Variants in RAPGEF6 observed in about 807,000 individuals in gnomAD.
RAPGEF6 encodes the protein PDZ domain containing guanine nucleotide exchange factor (GEF) 2.
Under a neutral mutation model 171.4 loss-of-function variants are expected in RAPGEF6, and 56 were observed. That is an observed-to-expected ratio of 0.33 (90% CI 0.26 to 0.41). RAPGEF6 has a LOEUF of 0.41. Among genes scored for constraint, RAPGEF6 ranks in the 10% least tolerant of loss-of-function variants. The pLI, the probability that RAPGEF6 is intolerant of heterozygous loss-of-function variation, is 1.00. For missense variants in RAPGEF6, 1,674 were observed against 1,921.4 expected (o/e 0.87, Z 2.41); for synonymous variants, 692 against 650.1 (o/e 1.06, Z -0.98).
intron 4 of RAPGEF6, among the ~76,000 whole-genome samples, chr5:131,566,137 A>C (rs569577837): frequency 6.6e-6 from 1 of 151,166 alleles, no homozygotes; most frequent in African/African-American, 2.4e-5. Flanking sequence ...ACAGAATGAG[A>C]CTCTGTCTCA....
intron 15 of RAPGEF6, among the ~76,000 whole-genome samples, chr5:131,486,788 G>A (rs1755922879): frequency 1.4e-5 from 2 of 145,302 alleles, no homozygotes; most frequent in South Asian, 4.3e-4. Flanking sequence ...GGAGTGCAGT[G>A]GCGCAATCTC....
intron 23 of RAPGEF6, chr5:131,440,234 G>T: frequency 2.2e-6 from 1 of 456,242 alleles, no homozygotes; most frequent in Non-Finnish European, 4.4e-6. Flanking sequence ...TCACACTACA[G>T]GAGAGAAGTA....
chr5:131,487,124 G>A (rs1561503312), intron 15 of RAPGEF6, among the ~76,000 whole-genome samples: 1 of 151,584 alleles, frequency 6.6e-6, no homozygotes, highest in Non-Finnish European at 1.5e-5. Flanking sequence ...TCTTAAAGAT[G>A]GTGTGTCTGG....
Position 131,609,640 on chromosome 5 carries a change from T to C in RAPGEF6, c.70-4947A>G, listed in dbSNP as rs544127831. On this transcript the variant is annotated intron_variant, in intron 1 of 27. Coordinates refer to ENST00000509018, the MANE Select transcript of RAPGEF6 (RefSeq NM_016340.6). ...CTGTCTAGCTACTGCTACTTCTGAA[T>C]GTCCAACCTGTCAGCAACAGAGACC... Among the ~76,000 whole-genome samples, 3 of 152,342 alleles carry C rather than the reference T, an allele frequency of 2.0e-5. No homozygotes were observed. In the South Asian group the frequency reaches 6.2e-4, roughly 32 times the overall value.
At position 131,534,895 on chromosome 5, in the gene RAPGEF6, G is replaced by A. The variant is rs180715544; in HGVS notation, c.495+13152C>T. On this transcript the variant is annotated intron_variant, in intron 6 of 27. Coordinates refer to ENST00000509018, the MANE Select transcript of RAPGEF6 (RefSeq NM_016340.6). ...AGTACCAACAGAATATATTATAGCC[G>A]AATCAAAAAGCAAAATTTTAATGCA... Among the ~76,000 whole-genome samples the A allele has an allele frequency of 4.6e-5, 7 of 151,980 alleles. No individual in the cohort carries two copies. In the East Asian group the frequency reaches 5.8e-4, roughly 13 times the overall value.
intron 18 of RAPGEF6, chr5:131,463,621 A>C: frequency 1.4e-6 from 1 of 706,496 alleles, no homozygotes; most frequent in Non-Finnish European, 1.7e-6. Context: ...AATGTACTAC[A>C]GAAATAATCT....
intron 17 of RAPGEF6, among the ~76,000 whole-genome samples, chr5:131,465,332 CTTTT>C (rs1323413282): frequency 6.6e-6 from 1 of 151,842 alleles, no homozygotes; most frequent in East Asian, 1.9e-4. Context: ...TATCTTATTT[CTTTT>C]TGTCATTATA....
chr5:131,603,948 A>G (rs901419216), intron 2 of RAPGEF6, among the ~76,000 whole-genome samples: 3 of 152,120 alleles, frequency 2.0e-5, no homozygotes, highest in Non-Finnish European at 4.4e-5. Context: ...CACATGTTTA[A>G]TTAAAATATT....
At chr5:131,469,671 T>C (rs1754611499) in intron 17 of RAPGEF6, 1 of 612,308 alleles carries the variant, frequency 1.6e-6, no homozygotes, top group Non-Finnish European at 2.6e-6. Flanking sequence ...TAATACTGGC[T>C]ACCTTCTAAG....
At chr5:131,580,515 C>T (rs1040974001) in intron 4 of RAPGEF6, among the ~76,000 whole-genome samples, 8 of 152,184 alleles carry the variant, frequency 5.3e-5, no homozygotes, top group African/African-American at 1.9e-4. Context: ...GCTCCTCAAG[C>T]GTGGCCAGAG....
chr5:131,619,363 A>G (rs1183057668), intron 1 of RAPGEF6, among the ~76,000 whole-genome samples: 1 of 152,112 alleles, frequency 6.6e-6, no homozygotes, highest in Admixed American at 6.5e-5. Context: ...AATAATACCT[A>G]ATGTAGATGA....
At chr5:131,627,064 A>C (rs1299250350) in intron 1 of RAPGEF6, among the ~76,000 whole-genome samples, 1 of 152,210 alleles carries the variant, frequency 6.6e-6, no homozygotes, top group Non-Finnish European at 1.5e-5. Context: ...TTGTAAGAAA[A>C]GGGCAAATAA....
rs183559549 is a variant in RAPGEF6, at chr5:131,620,500, C to T, written c.69+14462G>A. On this transcript the variant is annotated intron_variant, in intron 1 of 27. Transcript: ENST00000509018. ...GTCAATTCTACTTTCGAAATATCTC[C>T]GTTTACTATTGCAAATGAGGCAATT... Among the ~76,000 whole-genome samples the T allele has an allele frequency of 2.9e-3, 445 of 152,340 alleles. 2 individuals carry two copies. Among genetic ancestry groups the T allele is most frequent in the Admixed American group, 4.9e-3 (75 of 15,300 alleles).
chr5:131,619,162 A>G (rs1274661962), intron 1 of RAPGEF6, among the ~76,000 whole-genome samples: 2 of 152,112 alleles, frequency 1.3e-5, no homozygotes, highest in African/African-American at 2.4e-5. Flanking sequence ...TGAGATGGCC[A>G]GGTATGGTGG....
At chr5:131,493,210 G>A (rs866124750) in intron 13 of RAPGEF6, among the ~76,000 whole-genome samples, 9 of 151,902 alleles carry the variant, frequency 5.9e-5, no homozygotes, top group Admixed American at 1.3e-4. Flanking sequence ...GACTACAGGC[G>A]CCCGCCACCA....
chr5:131,435,347 C>T (rs1324432120), intron 24 of RAPGEF6, among the ~76,000 whole-genome samples: 1 of 151,812 alleles, frequency 6.6e-6, no homozygotes, highest in Admixed American at 6.6e-5. Flanking sequence ...TTTAAGAGGA[C>T]CAAGAAAGTG....
intron 5 of RAPGEF6, among the ~76,000 whole-genome samples, chr5:131,558,917 AT>A (rs1250018012): frequency 6.6e-6 from 1 of 152,176 alleles, no homozygotes; most frequent in African/African-American, 2.4e-5. Context: ...TCTGTTGTTG[AT>A]AAGTGTAGTG....
At chr5:131,573,034 C>T (rs1313279462) in intron 4 of RAPGEF6, among the ~76,000 whole-genome samples, 2 of 152,008 alleles carry the variant, frequency 1.3e-5, no homozygotes, top group Non-Finnish European at 2.9e-5. Flanking sequence ...TCATCCCAGA[C>T]TTTCCTTCTT....
At chr5:131,582,709 C>A (rs555251175) in intron 4 of RAPGEF6, among the ~76,000 whole-genome samples, 2 of 152,154 alleles carry the variant, frequency 1.3e-5, no homozygotes, top group Non-Finnish European at 2.9e-5. Flanking sequence ...AAAGGACTTA[C>A]ATATAGCATA....
Sources: gnomAD v4.1 joint callset for allele counts (sites outside exome capture counted in the v4.1 genomes callset) on GRCh38, gnomAD v4.1.1 for gene constraint, MANE v1.5 for transcripts, NCBI Gene and HGNC (gene_info 2026-07-23, HGNC 2026-07-21) for gene names.